The following DPH6 variants were observed in gnomAD, a reference collection of about 807,000 sequenced individuals.
DPH6 encodes the protein diphthamine biosynthesis 6.
A neutral mutation model predicts 38.2 loss-of-function variants in DPH6; 33 were observed. The observed-to-expected ratio is 0.86, with a 90% CI of 0.65 to 1.15. The LOEUF is 1.15. Among genes scored for constraint, DPH6 ranks in the 50% most tolerant of loss-of-function variants. The probability of loss-of-function intolerance (pLI) is 0.00; values close to 1 mark genes in which losing one functional copy is unlikely to be tolerated. For missense variants in DPH6, 325 were observed against 320.0 expected (o/e 1.02, Z -0.12); for synonymous variants, 108 against 103.0 (o/e 1.05, Z -0.30).
At chr15:35,375,972 C>T (rs985708633) in intron 7 of DPH6, among the ~76,000 whole-genome samples, 1 of 152,118 alleles carries the variant, frequency 6.6e-6, no homozygotes, top group Non-Finnish European at 1.5e-5. Context: ...AAAAGGTATA[C>T]AGATATTCCC....
Position 35,257,086 on chromosome 15 carries a change from T to C in DPH6, n.201-36504A>G, listed in dbSNP as rs541536128. Among the ~76,000 whole-genome samples the C allele has an allele frequency of 5.3e-4, 81 of 152,260 alleles. 1 individual carries two copies. Among genetic ancestry groups the C allele is most frequent in the African/African-American group, 1.9e-3 (81 of 41,566 alleles). On this transcript the variant is annotated intron_variant and non_coding_transcript_variant, in intron 3 of 3. Transcript: ENST00000560386. ...AGAATGGCATCATTAGCATAAAATATAGTGCCATCAATACTGGGCATTATA... is the reference window on the plus strand; with the variant it reads ...AGAATGGCATCATTAGCATAAAATACAGTGCCATCAATACTGGGCATTATA...
intron 5 of DPH6, 147 bp from the exon 6 acceptor site, chr15:35,411,043 T>C (rs1325077667): frequency 1.6e-6 from 1 of 640,088 alleles, no homozygotes; most frequent in African/African-American, 1.9e-5. Flanking sequence ...TGTACTTTGC[T>C]AGTATTTACT....
At position 35,454,808 on chromosome 15, in the gene DPH6, C is replaced by T; in HGVS notation, c.325G>A (p.Val109Ile). The T allele has an allele frequency of 1.9e-6, 3 of 1,598,980 alleles. No individual in the cohort carries two copies. The highest frequency in any genetic ancestry group is 2.6e-6 in the Non-Finnish European group (3 of 1,175,098). The stretch of plus-strand genomic sequence containing the variant: ...ATAGCACCTACTGATATCCCCTCTA[C>T]TTCTTCTTTTTCCTGAAAATAAAGA... ...LLKLVKEKEE[V>I]EGISVGAILS... The change falls in exon 4 of 9, where the codon GTA becomes ATA. Residue 109 changes from valine (V) to isoleucine (I), a missense_variant. Transcript: ENST00000256538.
intron 3 of DPH6, among the ~76,000 whole-genome samples, chr15:35,351,969 C>T (rs1220353021): frequency 6.6e-6 from 1 of 152,172 alleles, no homozygotes; most frequent in Non-Finnish European, 1.5e-5. Context: ...GTCCTCCCAT[C>T]TCGGCCTCCC....
intron 3 of DPH6, among the ~76,000 whole-genome samples, chr15:35,502,299 T>C (rs573459712): frequency 1.1e-3 from 162 of 152,004 alleles, no homozygotes; most frequent in Non-Finnish European, 2.0e-3. Flanking sequence ...CTTTTATAAG[T>C]GTTAAAATTT....
intron 3 of DPH6, among the ~76,000 whole-genome samples, chr15:35,224,458 C>G (rs1299761182): frequency 6.6e-6 from 1 of 152,156 alleles, no homozygotes; most frequent in Non-Finnish European, 1.5e-5. Context: ...AAAGTTTGTT[C>G]ATCCACTCAT....
intron 3 of DPH6, among the ~76,000 whole-genome samples, chr15:35,235,314 A>G (rs1181271155): frequency 6.6e-6 from 1 of 152,146 alleles, no homozygotes; most frequent in Non-Finnish European, 1.5e-5. Flanking sequence ...CATGCAAGAC[A>G]ACTTTTGTCT....
intron 3 of DPH6, among the ~76,000 whole-genome samples, chr15:35,249,654 T>C (rs1302765853): frequency 6.6e-6 from 1 of 152,178 alleles, no homozygotes; most frequent in Admixed American, 6.5e-5. Context: ...GAGTAGATAG[T>C]AGAAAATAAT....
intron 3 of DPH6, among the ~76,000 whole-genome samples, chr15:35,301,906 G>T (rs559779775): frequency 6.6e-6 from 1 of 152,126 alleles, no homozygotes; most frequent in East Asian, 1.9e-4. Flanking sequence ...CCTGGGAGGC[G>T]GAGGTTGCAG....
intron 5 of DPH6, among the ~76,000 whole-genome samples, chr15:35,422,587 G>A (rs2053519526): frequency 6.6e-6 from 1 of 151,830 alleles, no homozygotes; most frequent in Non-Finnish European, 1.5e-5. Flanking sequence ...GAACACTTAA[G>A]ATCTATCCTC....
At chr15:35,229,330 C>T (rs1460667423) in intron 3 of DPH6, among the ~76,000 whole-genome samples, 2 of 151,786 alleles carry the variant, frequency 1.3e-5, no homozygotes, top group African/African-American at 4.8e-5. Context: ...TTAAAAGACT[C>T]GGATGTATTC....
At chr15:35,441,515 A>G (rs972831303) in intron 5 of DPH6, among the ~76,000 whole-genome samples, 1 of 152,242 alleles carries the variant, frequency 6.6e-6, no homozygotes. Context: ...TTGCAGGGAC[A>G]TGGATGAAGC....
At chr15:35,169,689 C>G in the DPH6 span, 110,061 of 152,008 alleles carry the variant, frequency 0.72, 40,498 homozygotes, top group Middle Eastern at 0.78. Flanking sequence ...ACTGTGCCTT[C>G]CTCTCTTTGT....
chr15:35,301,187 T>G (rs2052052424), intron 3 of DPH6, among the ~76,000 whole-genome samples: 1 of 152,194 alleles, frequency 6.6e-6, no homozygotes, highest in South Asian at 2.1e-4. Context: ...TCTTCCAATA[T>G]TTACTTGATC....
At chr15:35,339,287 A>G (rs1426722121) in intron 3 of DPH6, among the ~76,000 whole-genome samples, 1 of 151,426 alleles carries the variant, frequency 6.6e-6, no homozygotes, top group Non-Finnish European at 1.5e-5. Context: ...TTAGTTTCAA[A>G]GAACTTCTTC....
chr15:35,336,062 G>A (rs2052369167), intron 3 of DPH6, among the ~76,000 whole-genome samples: 1 of 152,128 alleles, frequency 6.6e-6, no homozygotes, highest in Non-Finnish European at 1.5e-5. Context: ...TTGAGCAGTA[G>A]TTTCTAGTTC....
intron 3 of DPH6, among the ~76,000 whole-genome samples, chr15:35,492,577 C>A (rs867740785): frequency 1.3e-5 from 2 of 152,148 alleles, no homozygotes; most frequent in African/African-American, 2.4e-5. Flanking sequence ...TCACTGGCCA[C>A]CACGGACTGA....
At chr15:35,298,812 G>A in intron 3 of DPH6, 1 of 1,102,582 alleles carries the variant, frequency 9.1e-7, no homozygotes, top group Non-Finnish European at 1.4e-6. Context: ...CTTGTTCCTC[G>A]TACACTGGGG....
intron 3 of DPH6, among the ~76,000 whole-genome samples, chr15:35,308,628 C>T (rs894582515): frequency 3.9e-5 from 6 of 151,998 alleles, no homozygotes; most frequent in Non-Finnish European, 8.8e-5. Flanking sequence ...ATACCTATAC[C>T]CAGAGAAGAT....
Sources: allele counts gnomAD v4.1 joint callset (sites outside exome capture counted in the v4.1 genomes callset), GRCh38; gene constraint gnomAD v4.1.1; transcripts MANE v1.5; gene names NCBI Gene and HGNC (gene_info 2026-07-23, HGNC 2026-07-21).